Variants in INVS observed in about 807,000 individuals in gnomAD.
INVS encodes the protein inversin.
Under a neutral mutation model 108.8 loss-of-function variants are expected in INVS, and 86 were observed. The observed-to-expected ratio is 0.79, with a 90% CI of 0.66 to 0.95. INVS has a LOEUF of 0.95. Among genes scored for constraint, INVS ranks in the 40% least tolerant of loss-of-function variants. The probability of loss-of-function intolerance (pLI) is 0.00; values close to 1 mark genes in which losing one functional copy is unlikely to be tolerated. For synonymous variants in INVS, 455 were observed against 473.5 expected, an observed-to-expected ratio of 0.96 and a Z score of 0.51; for missense variants, 1,169 against 1,297.4, an observed-to-expected ratio of 0.90 and a Z score of 1.52.
chr9:100,183,211 C>T (rs774974977), intron 3 of INVS, among the ~76,000 whole-genome samples: 1 of 151,934 alleles, frequency 6.6e-6, no homozygotes, highest in Non-Finnish European at 1.5e-5. Flanking sequence ...CACCATGGCA[C>T]GTGTATACCT....
At chr9:100,100,291 G>A (rs972560283) in intron 1 of INVS, among the ~76,000 whole-genome samples, 1 of 151,630 alleles carries the variant, frequency 6.6e-6, no homozygotes, top group African/African-American at 2.4e-5. Context: ...ATTAGACAGT[G>A]ATAGAGCCAA....
At chr9:100,248,778 C>G (rs991941889) in intron 8 of INVS, among the ~76,000 whole-genome samples, 1 of 151,902 alleles carries the variant, frequency 6.6e-6, no homozygotes, top group Non-Finnish European at 1.5e-5. Flanking sequence ...CTTTTAGAGT[C>G]CACCAATAGA....
At chr9:100,298,130 T>C (rs1427634178) in intron 16 of INVS, 120 bp downstream of exon 16, 1 of 1,566,608 alleles carries the variant, frequency 6.4e-7, no homozygotes, top group East Asian at 2.3e-5. Flanking sequence ...CAATGGTCAT[T>C]TGATTTCATG....
At chr9:100,155,210 CAA>C (rs1238068161) in intron 3 of INVS, among the ~76,000 whole-genome samples, 12 of 82,098 alleles carry the variant, frequency 1.5e-4, no homozygotes, top group Non-Finnish European at 1.0e-4. Context: ...GACTCCATCT[CAA>C]AAAAAAAAAA....
In INVS at chr9:100,202,765, C is replaced by T. The variant is rs527988549; in HGVS notation, c.274-23297C>T. Among the ~76,000 whole-genome samples the T allele has an allele frequency of 5.3e-5, 8 of 152,300 alleles. No homozygotes were observed. In the South Asian group the frequency reaches 1.7e-3, roughly 32 times the overall value. On this transcript the variant is annotated intron_variant, in intron 3 of 16. Coordinates refer to ENST00000262457, the MANE Select transcript of INVS (RefSeq NM_014425.5). ...TTAGGTCAGCAGGCTCATTCTTGAA[C>T]TTGGCTCTATTACTAAGCAGTCTCA...
At chr9:100,220,330 G>A (rs1441196939) in intron 3 of INVS, among the ~76,000 whole-genome samples, 1 of 152,092 alleles carries the variant, frequency 6.6e-6, no homozygotes, top group South Asian at 2.1e-4. Flanking sequence ...ACAGATGAAA[G>A]AAGCTCTTGG....
intron 8 of INVS, among the ~76,000 whole-genome samples, chr9:100,247,997 T>C (rs1832099643): frequency 6.6e-6 from 1 of 151,918 alleles, no homozygotes; most frequent in Non-Finnish European, 1.5e-5. Flanking sequence ...TTTTGTATTT[T>C]AGTAGAGGCG....
chr9:100,263,980 C>A (rs1490678705), intron 10 of INVS, among the ~76,000 whole-genome samples: 2 of 152,132 alleles, frequency 1.3e-5, no homozygotes, highest in African/African-American at 4.8e-5. Flanking sequence ...ATGGACTTGA[C>A]TATCTTCCTT....
At chr9:100,116,551 A>C (rs1175855010) in intron 2 of INVS, among the ~76,000 whole-genome samples, 1 of 152,202 alleles carries the variant, frequency 6.6e-6, no homozygotes, top group Admixed American at 6.5e-5. Context: ...GTTTTCAAAC[A>C]CAATTTCTTT....
chr9:100,294,393 T>G (rs1833726358), intron 14 of INVS, among the ~76,000 whole-genome samples: 1 of 152,190 alleles, frequency 6.6e-6, no homozygotes, highest in African/African-American at 2.4e-5. Context: ...TACCAGAGAC[T>G]GCCTAACCCA....
intron 12 of INVS, among the ~76,000 whole-genome samples, chr9:100,276,100 C>T (rs1833105199): frequency 6.6e-6 from 1 of 152,150 alleles, no homozygotes; most frequent in African/African-American, 2.4e-5. Context: ...GCCTTGAAGG[C>T]AAACTTTTTA....
intron 12 of INVS, among the ~76,000 whole-genome samples, chr9:100,274,914 T>C (rs1833071089): frequency 6.6e-6 from 1 of 152,160 alleles, no homozygotes; most frequent in African/African-American, 2.4e-5. Flanking sequence ...GAAGCATAAG[T>C]GTACTAAATA....
intron 13 of INVS, 85 bp downstream of exon 13, chr9:100,284,688 G>A: frequency 7.1e-7 from 1 of 1,411,988 alleles, no homozygotes; most frequent in Non-Finnish European, 9.8e-7. Context: ...TTACACTTAA[G>A]ATAATTGTTA....
Position 100,293,031 on chromosome 9 carries a change from G to A in INVS, c.2774G>A (p.Arg925His), listed in dbSNP as rs370713515. 5.5e-5 allele frequency: 89 copies of A among 1,613,646 alleles called. No individual in the cohort carries two copies. Among genetic ancestry groups the A allele is most frequent in the Non-Finnish European group, 7.0e-5 (83 of 1,180,012 alleles). Reference protein sequence around the residue: ...KKNKAAAVIQRAWRSYQLRKH... With the variant: ...KKNKAAAVIQHAWRSYQLRKH... ...AACAAGGCAGCAGCAGTCATCCAGC[G>A]CGCCTGGCGAAGGTAGGAAAATGGG... Residue 925 changes from arginine to histidine, a missense_variant, in exon 14 of 17, where the codon CGC becomes CAC. Coordinates refer to ENST00000262457, the MANE Select transcript of INVS (RefSeq NM_014425.5).
At chr9:100,253,715 T>G (rs1393452086) in intron 10 of INVS, among the ~76,000 whole-genome samples, 1 of 152,194 alleles carries the variant, frequency 6.6e-6, no homozygotes, top group African/African-American at 2.4e-5. Flanking sequence ...GTTTCCAGCT[T>G]CATCCATGTC....
intron 3 of INVS, among the ~76,000 whole-genome samples, chr9:100,141,970 G>T (rs929496237): frequency 1.2e-4 from 19 of 152,160 alleles, no homozygotes; most frequent in African/African-American, 4.6e-4. Context: ...AAGTTTCAGT[G>T]GGGGAGTAGG....
chr9:100,205,159 T>C lies in INVS; in HGVS notation c.274-20903T>C, dbSNP rs557666268. Among the ~76,000 whole-genome samples, 596 of 152,310 alleles carry C rather than the reference T, an allele frequency of 3.9e-3. 2 individuals are homozygous for C. Among genetic ancestry groups the C allele is most frequent in the African/African-American group, 0.014 (564 of 41,572 alleles). On this transcript the variant is annotated intron_variant, in intron 3 of 16. Coordinates refer to ENST00000262457, the MANE Select transcript of INVS (RefSeq NM_014425.5). ...ATTGGTGTATGGGGGTTCACATTAGTATCAGAAGTTTTTATGGCCACTCTG... is the reference window on the plus strand; with the variant it reads ...ATTGGTGTATGGGGGTTCACATTAGCATCAGAAGTTTTTATGGCCACTCTG...
At chr9:100,246,563 C>G (rs944934000) in intron 7 of INVS, 53 bp from the exon 8 acceptor site, 2 of 1,325,974 alleles carry the variant, frequency 1.5e-6, no homozygotes, top group Non-Finnish European at 2.2e-6. Context: ...ACTTTATTAC[C>G]ACAGAAAATA....
At chr9:100,185,516 AATATATATATATATATATATATATAT>A (rs35603398) in intron 3 of INVS, among the ~76,000 whole-genome samples, 10,746 of 110,910 alleles carry the variant, frequency 0.097, 748 homozygotes, top group East Asian at 0.24. Flanking sequence ...TATGCATAGA[AATATATATATATATATATATATATAT>A]ATATATATAT....
Sources: gnomAD v4.1 joint callset for allele counts (sites outside exome capture counted in the v4.1 genomes callset) on GRCh38, gnomAD v4.1.1 for gene constraint, MANE v1.5 for transcripts, NCBI Gene and HGNC (gene_info 2026-07-23, HGNC 2026-07-21) for gene names.